Variants in AUTS2 observed in about 807,000 individuals in gnomAD.
The protein encoded by AUTS2 is activator of transcription and developmental regulator AUTS2, also known as autism susceptibility gene 2 protein.
A neutral mutation model predicts 112.4 loss-of-function variants in AUTS2; 17 were observed. The observed-to-expected ratio is 0.15, with a 90% CI of 0.10 to 0.23. AUTS2 has a LOEUF of 0.23. Ranked by LOEUF, AUTS2 falls within the 10% of genes least tolerant of loss-of-function variation. The pLI is 1.00. For missense variants in AUTS2, 1,510 were observed against 1,701.6 expected (o/e 0.89, Z 1.98); for synonymous variants, 751 against 702.7 (o/e 1.07, Z -1.09).
intron 4 of AUTS2, among the ~76,000 whole-genome samples, chr7:70,185,169 C>G (rs562104425): frequency 1.3e-5 from 2 of 151,874 alleles, no homozygotes; most frequent in African/African-American, 2.4e-5. Flanking sequence ...TTTGCAACAC[C>G]CTTGGCATCT....
chr7:69,884,136 G>C (rs918018835), intron 1 of AUTS2, among the ~76,000 whole-genome samples: 1 of 152,284 alleles, frequency 6.6e-6, no homozygotes. Context: ...AGTTTCTAAG[G>C]TAGATACCTG....
rs1421930017 is a variant in AUTS2 at position 70,766,094 on chromosome 7, T to C, written c.1469-20T>C. 6.2e-7 allele frequency: 1 copy of C among 1,606,742 alleles called. No individual in the cohort carries two copies. The highest frequency in any genetic ancestry group is 1.1e-5 in the South Asian group (1 of 90,808). Reference sequence around the variant, plus strand: ...TTCTGAAGGAAAAGGCGTCATCGTCTCCCTCTTCTTCTCTTCCAGAGCAAG... The same window carrying C: ...TTCTGAAGGAAAAGGCGTCATCGTCCCCCTCTTCTTCTCTTCCAGAGCAAG... On this transcript the variant is annotated intron_variant, in intron 8 of 18. Coordinates refer to ENST00000342771, the MANE Select transcript of AUTS2 (RefSeq NM_015570.4). The surrounding 1 kb of genome is among the most constrained non-coding windows in gnomAD (Gnocchi z 4.8).
At chr7:69,803,647 T>TCAACTGTTCC (rs773318426) in intron 1 of AUTS2, among the ~76,000 whole-genome samples, 2 of 152,164 alleles carry the variant, frequency 1.3e-5, no homozygotes, top group Non-Finnish European at 2.9e-5. Context: ...CTAATTAAAC[T>TCAACTGTTCC]CAACTGTTCC....
At chr7:70,591,938 G>A (rs937567950) in intron 5 of AUTS2, among the ~76,000 whole-genome samples, 3 of 152,222 alleles carry the variant, frequency 2.0e-5, no homozygotes, top group Non-Finnish European at 2.9e-5. Flanking sequence ...GGAGGCTCAC[G>A]GACTGCCTCA....
In AUTS2 at chr7:70,057,437, C is replaced by G. The variant is rs567680128; in HGVS notation, c.523-60695C>G. On this transcript the variant is annotated intron_variant, in intron 2 of 18. Coordinates refer to ENST00000342771, the MANE Select transcript of AUTS2 (RefSeq NM_015570.4). ...TGGAGTAGTAGGTCTCAAAAAGTTA[C>G]ACTTTTCTGGGTAATTGTCAGCTTC... Among the ~76,000 whole-genome samples, 7 of 152,280 alleles carry G rather than the reference C, an allele frequency of 4.6e-5. No homozygotes were observed. The East Asian group carries it at 7.7e-4, about 17-fold the overall frequency.
At chr7:69,667,543 A>T (rs1258844630) in intron 1 of AUTS2, among the ~76,000 whole-genome samples, 1 of 151,630 alleles carries the variant, frequency 6.6e-6, no homozygotes, top group Non-Finnish European at 1.5e-5. Flanking sequence ...TTTAGTAGAG[A>T]TGGGGTTTCG....
intron 5 of AUTS2, among the ~76,000 whole-genome samples, chr7:70,661,518 G>A (rs1807068850): frequency 1.3e-5 from 2 of 152,146 alleles, no homozygotes; most frequent in African/African-American, 4.8e-5. Flanking sequence ...TTGTAGCTCC[G>A]CTACCTGATC....
chr7:70,134,899 T>C (rs1159023424), intron 4 of AUTS2, among the ~76,000 whole-genome samples: 1 of 152,078 alleles, frequency 6.6e-6, no homozygotes, highest in Non-Finnish European at 1.5e-5. Flanking sequence ...GTAAGAAGTG[T>C]CATGTGGGGG....
chr7:69,785,958 G>A (rs1789352500), intron 1 of AUTS2, among the ~76,000 whole-genome samples: 1 of 152,172 alleles, frequency 6.6e-6, no homozygotes, highest in Non-Finnish European at 1.5e-5. Context: ...AGCCTCCCAA[G>A]TAGCTGGGAT....
At chr7:70,731,668 A>T (rs963562402) in intron 6 of AUTS2, among the ~76,000 whole-genome samples, 1 of 151,698 alleles carries the variant, frequency 6.6e-6, no homozygotes, top group African/African-American at 2.4e-5. Context: ...TGACCTTGTG[A>T]TCCACCCACC....
intron 5 of AUTS2, among the ~76,000 whole-genome samples, chr7:70,543,837 C>T (rs187004397): frequency 4.6e-5 from 7 of 152,332 alleles, no homozygotes; most frequent in African/African-American, 7.2e-5. Context: ...GTGGCAAAGA[C>T]TATCGCCATT....
At chr7:70,481,652 C>T (rs1440041945) in intron 5 of AUTS2, among the ~76,000 whole-genome samples, 1 of 152,182 alleles carries the variant, frequency 6.6e-6, no homozygotes, top group Non-Finnish European at 1.5e-5. Context: ...CTTGTCTTCT[C>T]TGTCGGCCAC....
chr7:70,564,680 G>C (rs1208489780), intron 5 of AUTS2, among the ~76,000 whole-genome samples: 1 of 152,174 alleles, frequency 6.6e-6, no homozygotes, highest in Admixed American at 6.5e-5. Context: ...GTTTCTGGTG[G>C]TTATAAAGGA....
chr7:70,182,478 A>G (rs925010599), intron 4 of AUTS2, among the ~76,000 whole-genome samples: 1 of 152,230 alleles, frequency 6.6e-6, no homozygotes, highest in African/African-American at 2.4e-5. Flanking sequence ...AGCAGGAACC[A>G]TATGGTAATT....
Position 70,274,527 on chromosome 7 carries a change from G to A in AUTS2, c.660+139956G>A, listed in dbSNP as rs1237681330. Among the ~76,000 whole-genome samples the A allele has an allele frequency of 3.9e-5, 6 of 152,080 alleles. No individual in the cohort carries two copies. The South Asian group carries it at 1.0e-3, about 26-fold the overall frequency. On this transcript the variant is annotated intron_variant, in intron 4 of 18. Transcript: ENST00000342771. ...CAGGCTGGTCTTGAACTGAGCTCAAGCAATCTGCCTGCCTCAGCCTCCCAA... is the reference window on the plus strand; with the variant it reads ...CAGGCTGGTCTTGAACTGAGCTCAAACAATCTGCCTGCCTCAGCCTCCCAA...
intron 4 of AUTS2, among the ~76,000 whole-genome samples, chr7:70,416,521 G>A (rs539405719): frequency 1.2e-4 from 18 of 152,328 alleles, no homozygotes; most frequent in African/African-American, 4.3e-4. Flanking sequence ...GGCCACAGTA[G>A]CAGGCATTGC....
At chr7:70,712,674 C>T (rs555796144) in intron 6 of AUTS2, among the ~76,000 whole-genome samples, 3 of 152,254 alleles carry the variant, frequency 2.0e-5, no homozygotes, top group Admixed American at 1.3e-4. Context: ...CCAGAAAAAA[C>T]GAGGAAGAAC....
intron 4 of AUTS2, among the ~76,000 whole-genome samples, chr7:70,267,761 C>T (rs1447865349): frequency 6.6e-6 from 1 of 152,122 alleles, no homozygotes; most frequent in African/African-American, 2.4e-5. Flanking sequence ...CTTAATTCTT[C>T]ATTAACTGAA....
At chr7:69,668,115 C>T (rs1019712600) in intron 1 of AUTS2, among the ~76,000 whole-genome samples, 1 of 152,150 alleles carries the variant, frequency 6.6e-6, no homozygotes, top group African/African-American at 2.4e-5. Flanking sequence ...TAATAGTTGA[C>T]ACACAGTGGG....
Sources: gnomAD v4.1 joint callset for allele counts (sites outside exome capture counted in the v4.1 genomes callset) on GRCh38, gnomAD v4.1.1 for gene constraint, Gnocchi (gnomAD v3.1) non-coding constraint, MANE v1.5 for transcripts, NCBI Gene and HGNC (gene_info 2026-07-23, HGNC 2026-07-21) for gene names.